The following GRM7 variants were observed in gnomAD, a reference collection of about 807,000 sequenced individuals.
The protein encoded by GRM7 is glutamate metabotropic receptor 7.
GRM7 carries 35 observed loss-of-function variants against 84.5 expected under a neutral mutation model. The observed-to-expected ratio is 0.41, with a 90% confidence interval of 0.32 to 0.55. The LOEUF is 0.55. GRM7 is among the 20% of genes least tolerant of loss of function. GRM7 has a pLI of 0.19. For missense variants in GRM7, 1,003 were observed against 1,194.6 expected (o/e 0.84, Z 2.36); for synonymous variants, 487 against 455.1 (o/e 1.07, Z -0.89).
rs369529392 is a variant in GRM7 at position 7,491,412 on chromosome 3, G to GGA, written c.1515+29690_1515+29691insGA. Among the ~76,000 whole-genome samples, 35 of 149,866 alleles carry GGA rather than the reference G, an allele frequency of 2.3e-4. 1 individual carries two copies. The highest frequency in any genetic ancestry group is 5.6e-4 in the African/African-American group (23 of 40,880). On this transcript the variant is annotated intron_variant, in intron 7 of 9. Coordinates refer to ENST00000357716, the MANE Select transcript of GRM7 (RefSeq NM_000844.4). ...AATATTAAGGAAAATGATTTAGATG[G>GGA]TATATATATATATATATATAGTGAG...
At chr3:7,684,084 A>T (rs1450908571) in intron 9 of GRM7, among the ~76,000 whole-genome samples, 3 of 152,240 alleles carry the variant, frequency 2.0e-5, no homozygotes, top group Non-Finnish European at 4.4e-5. Flanking sequence ...GCAAAAATGC[A>T]TGTATATAGG....
At chr3:6,940,920 G>A (rs937035646) in intron 1 of GRM7, among the ~76,000 whole-genome samples, 1 of 152,236 alleles carries the variant, frequency 6.6e-6, no homozygotes, top group South Asian at 2.1e-4. Flanking sequence ...ACACACTGCA[G>A]CTGGCTGCTG....
At chr3:7,256,416 TA>T (rs557838168) in intron 2 of GRM7, among the ~76,000 whole-genome samples, 559 of 152,260 alleles carry the variant, frequency 3.7e-3, no homozygotes, top group Non-Finnish European at 6.1e-3. Context: ...GGAACATATT[TA>T]AAAAAGCAGC....
chr3:7,278,972 C>G (rs1411991732), intron 2 of GRM7, among the ~76,000 whole-genome samples: 1 of 152,066 alleles, frequency 6.6e-6, no homozygotes, highest in Non-Finnish European at 1.5e-5. Flanking sequence ...AGTGACAGGT[C>G]CAATATAGAT....
At chr3:7,398,285 A>G (rs115490860) in intron 4 of GRM7, among the ~76,000 whole-genome samples, 2,564 of 152,310 alleles carry the variant, frequency 0.017, 65 homozygotes, top group African/African-American at 0.054. Context: ...GGCAGTGAAC[A>G]GTTTATCAGT....
At chr3:7,341,990 G>A (rs1421276062) in intron 4 of GRM7, among the ~76,000 whole-genome samples, 2 of 152,042 alleles carry the variant, frequency 1.3e-5, no homozygotes, top group Non-Finnish European at 2.9e-5. Flanking sequence ...ATAATTTTAG[G>A]AAAGGTAGAT....
intron 2 of GRM7, among the ~76,000 whole-genome samples, chr3:7,243,664 G>A (rs767528988): frequency 6.6e-6 from 1 of 152,046 alleles, no homozygotes; most frequent in Non-Finnish European, 1.5e-5. Flanking sequence ...GTCAGTGTAA[G>A]CCCAGATACA....
chr3:7,503,132 G>A (rs975833031), intron 7 of GRM7, among the ~76,000 whole-genome samples: 2 of 152,146 alleles, frequency 1.3e-5, no homozygotes, highest in South Asian at 2.1e-4. Flanking sequence ...ATAGGATGAT[G>A]TGATTGCTTC....
chr3:7,664,439 G>A (rs931530090), intron 8 of GRM7, among the ~76,000 whole-genome samples: 9 of 152,194 alleles, frequency 5.9e-5, no homozygotes, highest in African/African-American at 2.2e-4. Flanking sequence ...TCTCACTGGA[G>A]ATCTGGGGTA....
intron 2 of GRM7, among the ~76,000 whole-genome samples, chr3:7,176,142 C>T (rs937142040): frequency 2.7e-5 from 4 of 147,742 alleles, no homozygotes; most frequent in African/African-American, 1.0e-4. Context: ...ATGTTCATGC[C>T]TATAAGGCAG....
intron 7 of GRM7, among the ~76,000 whole-genome samples, chr3:7,569,722 C>T (rs1694543752): frequency 6.6e-6 from 1 of 152,112 alleles, no homozygotes; most frequent in Admixed American, 6.5e-5. Flanking sequence ...ACCATGAACC[C>T]ACCAGAGGAA....
intron 8 of GRM7, among the ~76,000 whole-genome samples, chr3:7,678,647 A>G (rs537839772): frequency 2.0e-5 from 3 of 152,242 alleles, no homozygotes; most frequent in Non-Finnish European, 4.4e-5. Flanking sequence ...TCTATGTTAC[A>G]TTCATTATGT....
rs530130056 is a variant in GRM7 at position 7,371,813 on chromosome 3, A to G, written c.1034-43210A>G. Among the ~76,000 whole-genome samples, 62 of 152,248 alleles carry G rather than the reference A, an allele frequency of 4.1e-4. 1 individual carries two copies. The South Asian group carries it at 9.5e-3, about 23-fold the overall frequency. On this transcript the variant is annotated intron_variant, in intron 4 of 9. Coordinates refer to ENST00000357716, the MANE Select transcript of GRM7 (RefSeq NM_000844.4). Reference sequence around the variant, plus strand: ...TCTAATGATTTGAAAGAAGAATCCAACTGTAAAAAGGGAATACTTTTCTAA... The same window carrying G: ...TCTAATGATTTGAAAGAAGAATCCAGCTGTAAAAAGGGAATACTTTTCTAA...
rs533179016 is a variant in GRM7 at position 7,616,347 on chromosome 3, G to A, written c.2451+36990G>A. On this transcript the variant is annotated intron_variant, in intron 8 of 9. Coordinates refer to ENST00000357716, the MANE Select transcript of GRM7 (RefSeq NM_000844.4). The stretch of plus-strand genomic sequence containing the variant: ...TTTCAAGTGCATAAATCTATGCTTC[G>A]TGTGCTTCCTACACCTAACTTAGAC... 4.6e-5 allele frequency among the ~76,000 whole-genome samples: 7 copies of A among 152,144 alleles called. No individual in the cohort carries two copies. In the South Asian group the frequency reaches 8.3e-4, roughly 18 times the overall value.
At chr3:7,029,220 C>A (rs1011289458) in intron 1 of GRM7, among the ~76,000 whole-genome samples, 7 of 149,106 alleles carry the variant, frequency 4.7e-5, no homozygotes, top group African/African-American at 1.5e-4. Context: ...AGGAGAATCA[C>A]TTGAACCTGG....
intron 3 of GRM7, among the ~76,000 whole-genome samples, chr3:7,303,641 A>G (rs921180636): frequency 3.3e-5 from 5 of 152,100 alleles, no homozygotes; most frequent in African/African-American, 1.2e-4. Flanking sequence ...TGGAGTTAAT[A>G]TGACAGTCTT....
At chr3:6,895,066 G>A (rs1162434478) in intron 1 of GRM7, among the ~76,000 whole-genome samples, 2 of 152,148 alleles carry the variant, frequency 1.3e-5, no homozygotes, top group Admixed American at 6.6e-5. Flanking sequence ...CTCTTTCTGG[G>A]TTCTTGCTCT....
chr3:7,467,120 C>T (rs1698491138), intron 7 of GRM7, among the ~76,000 whole-genome samples: 1 of 152,180 alleles, frequency 6.6e-6, no homozygotes, highest in African/African-American at 2.4e-5. Flanking sequence ...GACGGAGTCG[C>T]TCTGTCGCCC....
intron 8 of GRM7, among the ~76,000 whole-genome samples, chr3:7,678,425 G>A (rs186966732): frequency 1.8e-4 from 27 of 152,282 alleles, no homozygotes; most frequent in Admixed American, 1.6e-3. Context: ...GCCATGGTTT[G>A]CAAATCTCTC....
Sources: allele counts gnomAD v4.1 joint callset (sites outside exome capture counted in the v4.1 genomes callset), GRCh38; gene constraint gnomAD v4.1.1; transcripts MANE v1.5; gene names NCBI Gene and HGNC (gene_info 2026-07-23, HGNC 2026-07-21).